PRG4: variants seen among roughly 807,000 people sequenced by gnomAD.
PRG4 encodes articular superficial zone protein.
Under a neutral mutation model 91.2 loss-of-function variants are expected in PRG4, and 61 were observed. That is an observed-to-expected ratio of 0.67 (90% CI 0.54 to 0.83). The LOEUF is 0.83. Ranked by LOEUF, PRG4 falls within the 40% of genes least tolerant of loss-of-function variation. The probability of loss-of-function intolerance (pLI) is 0.00; values close to 1 mark genes in which losing one functional copy is unlikely to be tolerated. For synonymous variants in PRG4, 576 were observed against 614.2 expected, an observed-to-expected ratio of 0.94 and a Z score of 0.92; for missense variants, 1,564 against 1,714.2, an observed-to-expected ratio of 0.91 and a Z score of 1.55.
At position 186,306,198 on chromosome 1, in the gene PRG4, G is replaced by A. The variant is rs1656542474; in HGVS notation, c.599-120G>A. 1.1e-5 allele frequency: 9 copies of A among 797,118 alleles called. No homozygotes were observed. In the South Asian group the frequency reaches 1.7e-4, roughly 15 times the overall value. The allele number at this position is 797,118 out of a possible 1,614,324, so 49.4% of individuals were successfully genotyped here. A position where few individuals can be genotyped will look rare whatever the true frequency, so the allele number is the denominator to read the frequency against. ...ATTTTACAACAAATTAAAGGACATA[G>A]TAGAGATTAGCAATTTGCTTAGAAA... On this transcript the variant is annotated intron_variant, in intron 6 of 12. Transcript: ENST00000445192.
chr1:186,296,663 A>G (rs968059579), intron 1 of PRG4, among the ~76,000 whole-genome samples, 183 bp from the exon 2 acceptor site: 1 of 152,240 alleles, frequency 6.6e-6, no homozygotes, highest in Non-Finnish European at 1.5e-5. Flanking sequence ...TTTGTTCTGC[A>G]TAAGATTAAG....
intron 4 of PRG4, 143 bp downstream of exon 4, chr1:186,301,854 T>C: frequency 8.0e-7 from 1 of 1,253,572 alleles, no homozygotes. Flanking sequence ...TAATTTTGTT[T>C]TGTGGAGATG....
Position 186,307,647 on chromosome 1 carries a change from C to T in PRG4, c.1928C>T (p.Thr643Ile). The T allele has an allele frequency of 2.5e-6, 4 of 1,600,748 alleles. No homozygotes were observed. The South Asian group carries it at 4.4e-5, about 18-fold the overall frequency. The stretch of plus-strand genomic sequence containing the variant: ...ACCACCCCTGAGAAGCCCGCACCCA[C>T]CACCCCTGAGGAGCTCGCACCCACC... ...APTTPEKPAP[T>I]TPEELAPTTP... Residue 643 changes from threonine to isoleucine, a missense_variant, in exon 7 of 13, where the codon ACC becomes ATC. Thr to Ile is a moderately conservative substitution (Grantham distance 89, BLOSUM62 -1). Around this residue, in one of 3 missense-constraint regions of PRG4, gnomAD observed 1,079 missense variants for 1,162.2 expected, o/e 0.93. Transcript: ENST00000445192.
Position 186,301,658 on chromosome 1 carries a change from A to G in PRG4, c.266A>G (p.Gln89Arg), listed in dbSNP as rs766571266. Residue 89 changes from glutamine to arginine, a missense_variant, in exon 4 of 13, where the codon CAA (glutamine) becomes CGA (arginine). Transcript: ENST00000445192. The stretch of plus-strand genomic sequence containing the variant: ...GGGAGGGAGTGTGACTGCGACGCCC[A>G]ATGTAAGAAGTATGACAAGTGCTGT... ...ERGRECDCDA[Q>R]CKKYDKCCPD... 1 of 1,613,896 alleles carries G rather than the reference A, an allele frequency of 6.2e-7. No homozygotes were observed. The highest frequency in any genetic ancestry group is 1.7e-5 in the Admixed American group (1 of 60,004).
chr1:186,306,995 A>G lies in PRG4; in HGVS notation c.1276A>G (p.Lys426Glu). Residue 426 changes from lysine to glutamate, a missense_variant, in exon 7 of 13, where the codon AAG (lysine) becomes GAG (glutamate). Coordinates refer to ENST00000445192, the MANE Select transcript of PRG4 (RefSeq NM_005807.6). ...TTKEPAPTTT[K>E]SAPTTPKEPA... ...CAAGGAGCCTGCACCCACCACCACC[A>G]AGTCTGCACCCACCACTCCCAAGGA... 8 of 1,551,406 alleles carry G rather than the reference A, an allele frequency of 5.2e-6. No individual in the cohort carries two copies. Among genetic ancestry groups the G allele is most frequent in the Non-Finnish European group, 7.0e-6 (8 of 1,148,490 alleles).
rs142388523 is a variant in PRG4, at chr1:186,308,493, G to T, written c.2774G>T (p.Arg925Leu). The T allele has an allele frequency of 1.1e-4, 183 of 1,613,642 alleles. 1 individual carries two copies. The South Asian group carries it at 1.9e-3, about 17-fold the overall frequency. The stretch of plus-strand genomic sequence containing the variant: ...GACAAGACAACAGAAAGAGACTTAC[G>T]TACTACACCTGAAACTACAACTGCT... ...AKDKTTERDL[R>L]TTPETTTAAP... is the part of the protein sequence containing the mutation. The change falls in exon 7 of 13, where the codon CGT becomes CTT. Residue 925 changes from arginine to leucine, a missense_variant. This residue lies in a region of PRG4 where 1,079 missense variants were observed against 1,162.2 expected (regional missense o/e 0.93). Coordinates refer to ENST00000445192, the MANE Select transcript of PRG4 (RefSeq NM_005807.6).
At position 186,312,383 on chromosome 1, in the gene PRG4, T is replaced by C. The variant is rs1657329790; in HGVS notation, c.3991+11T>C. The C allele has an allele frequency of 6.3e-7, 1 of 1,599,038 alleles. No individual in the cohort carries two copies. Among genetic ancestry groups the C allele is most frequent in the Non-Finnish European group, 8.5e-7 (1 of 1,173,690 alleles). On this transcript the variant is annotated intron_variant, in intron 11 of 12. Transcript: ENST00000445192. ...CTTATCAAGACAAAGGTAACATTTT[T>C]ATTGTGTTAAAAAAATCCTTAAACA...
rs778569928 is a variant in PRG4 at position 186,308,713 on chromosome 1, GAACA to G, written c.2998_3001del (p.Lys1000LeufsTer43). 1.2e-6 allele frequency: 2 copies of G among 1,613,652 alleles called. No individual in the cohort carries two copies. Among genetic ancestry groups the G allele is most frequent in the Non-Finnish European group, 1.7e-6 (2 of 1,179,980 alleles). ...AGACAATTACTACCACTGAGATTATGAACAAACCTGAAGAAACAGCTAAACCAAA... is the reference window on the plus strand; with the variant it reads ...AGACAATTACTACCACTGAGATTATGAACCTGAAGAAACAGCTAAACCAAA... On this transcript the variant is annotated frameshift_variant, in exon 7 of 13. Transcript: ENST00000445192. LOFTEE classifies it high-confidence loss of function.
At chr1:186,301,978 CT>C in intron 4 of PRG4, among the ~76,000 whole-genome samples, 1 of 152,084 alleles carries the variant, frequency 6.6e-6, no homozygotes, top group Admixed American at 6.5e-5. Flanking sequence ...ATGTATATGT[CT>C]TTTTTTTCTT....
chr1:186,304,695 G>T, intron 5 of PRG4, 99 bp from the exon 6 acceptor site: 2 of 1,440,612 alleles, frequency 1.4e-6, no homozygotes, highest in Non-Finnish European at 1.9e-6. Context: ...CCAGATACTT[G>T]TAGACTAGTA....
intron 8 of PRG4, among the ~76,000 whole-genome samples, chr1:186,310,140 G>T (rs1333556134): frequency 3.8e-5 from 5 of 131,090 alleles, no homozygotes; most frequent in Non-Finnish European, 3.2e-5. Context: ...TTTTTTGGGG[G>T]GGGGGGGTAG....
chr1:186,303,304 A>G (rs1442349910), intron 4 of PRG4, among the ~76,000 whole-genome samples: 1 of 152,102 alleles, frequency 6.6e-6, no homozygotes, highest in Non-Finnish European at 1.5e-5. Flanking sequence ...AGGAGGAGAA[A>G]CAAGAGGGAC....
At chr1:186,301,941 G>A (rs915417134) in intron 4 of PRG4, among the ~76,000 whole-genome samples, 14 of 152,204 alleles carry the variant, frequency 9.2e-5, no homozygotes, top group Non-Finnish European at 5.9e-5. Context: ...GATGTTGCCA[G>A]AGGGGGAACA....
chr1:186,309,912 T>C (rs908412522), intron 8 of PRG4, 42 bp downstream of exon 8: 2 of 1,559,668 alleles, frequency 1.3e-6, no homozygotes, highest in Non-Finnish European at 1.8e-6. Flanking sequence ...ATCATTCTGT[T>C]TTGGCATTTA....
chr1:186,298,741 C>T (rs952007170), intron 2 of PRG4, among the ~76,000 whole-genome samples: 1 of 152,086 alleles, frequency 6.6e-6, no homozygotes, highest in Non-Finnish European at 1.5e-5. Flanking sequence ...CCCGCCTCAG[C>T]CTCCCAAAGT....
chr1:186,311,522 C>G lies in PRG4; in HGVS notation c.3719C>G (p.Thr1240Ser). 1 of 1,613,972 alleles carries G rather than the reference C, an allele frequency of 6.2e-7. No homozygotes were observed. The highest frequency in any genetic ancestry group is 8.5e-7 in the Non-Finnish European group (1 of 1,179,900). ...ATTTTCAAAGGATTTGGAGGACTAA[C>G]TGGACAAATAGTGGCAGCGCTTTCA... The part of the protein sequence containing the change: ...KPIFKGFGGL[T>S]GQIVAALSTA... The change falls in exon 10 of 13, where the codon ACT becomes AGT. Residue 1240 changes from threonine (T) to serine (S), a missense_variant. Coordinates refer to ENST00000445192, the MANE Select transcript of PRG4 (RefSeq NM_005807.6).
At chr1:186,304,086 G>C (rs201140828) in intron 4 of PRG4, 22 bp from the exon 5 acceptor site, 3 of 1,613,010 alleles carry the variant, frequency 1.9e-6, no homozygotes, top group Non-Finnish European at 2.5e-6. Context: ...GATGTTAACT[G>C]ACTTGTCTTA....
rs369121158 is a variant in PRG4 at position 186,301,669 on chromosome 1, T to G, written c.277T>G (p.Tyr93Asp). ...TGACTGCGACGCCCAATGTAAGAAGTATGACAAGTGCTGTCCCGATTATGA... is the reference window on the plus strand; with the variant it reads ...TGACTGCGACGCCCAATGTAAGAAGGATGACAAGTGCTGTCCCGATTATGA... ...ECDCDAQCKK[Y>D]DKCCPDYESF... Residue 93 changes from tyrosine (Y) to aspartate (D), a missense_variant, in exon 4 of 13, where the codon TAT becomes GAT. Around this residue, in one of 3 missense-constraint regions of PRG4, gnomAD observed 437 missense variants for 459.0 expected, o/e 0.95. Transcript: ENST00000445192. The G allele has an allele frequency of 8.2e-5, 132 of 1,613,730 alleles. No individual in the cohort carries two copies. The highest frequency in any genetic ancestry group is 1.0e-4 in the Non-Finnish European group (122 of 1,179,836).
intron 4 of PRG4, 139 bp from the exon 5 acceptor site, chr1:186,303,968 AT>A: frequency 2.4e-6 from 2 of 849,066 alleles, no homozygotes; most frequent in Non-Finnish European, 4.0e-6. Flanking sequence ...AAATGGAGTC[AT>A]TCGTGTTGAG....
Sources: allele counts gnomAD v4.1 joint callset (sites outside exome capture counted in the v4.1 genomes callset), GRCh38; gene constraint gnomAD v4.1.1; regional missense constraint gnomAD v4.1.1; transcripts MANE v1.5; gene names NCBI Gene and HGNC (gene_info 2026-07-23, HGNC 2026-07-21).